MORN5: variants seen among roughly 807,000 people sequenced by gnomAD.
The protein encoded by MORN5 is MORN repeat-containing protein 5.
MORN5 carries 21 observed loss-of-function variants against 22.1 expected under a neutral mutation model. The observed-to-expected ratio is 0.95, with a 90% confidence interval of 0.67 to 1.37. The LOEUF (loss-of-function observed/expected upper bound fraction) is 1.37, where lower values mean the gene tolerates loss of function less well. Among genes scored for constraint, MORN5 ranks in the 40% most tolerant of loss-of-function variants. MORN5 has a pLI of 0.00. For missense variants in MORN5, 211 were observed against 215.1 expected, an observed-to-expected ratio of 0.98 and a Z score of 0.12; for synonymous variants, 73 against 74.0, an observed-to-expected ratio of 0.99 and a Z score of 0.07.
intron 4 of MORN5, among the ~76,000 whole-genome samples, chr9:122,179,886 C>T (rs142955548): frequency 1.3e-4 from 20 of 152,302 alleles, no homozygotes; most frequent in Admixed American, 9.2e-4. Context: ...ATCCTGAAGG[C>T]GCAGGCTGCT....
intron 4 of MORN5, among the ~76,000 whole-genome samples, chr9:122,179,821 G>T (rs1479955572): frequency 6.6e-6 from 1 of 152,088 alleles, no homozygotes; most frequent in East Asian, 1.9e-4. Flanking sequence ...TTTTCCCCAG[G>T]GACCTCTTTC....
intron 4 of MORN5, among the ~76,000 whole-genome samples, chr9:122,176,631 G>A (rs781192002): frequency 1.8e-4 from 27 of 152,166 alleles, no homozygotes; most frequent in Non-Finnish European, 2.6e-4. Flanking sequence ...TGTAATCCCA[G>A]CACTTTGGGA....
chr9:122,188,637 G>C (rs546560226), intron 4 of MORN5, among the ~76,000 whole-genome samples: 2 of 152,342 alleles, frequency 1.3e-5, no homozygotes, highest in South Asian at 2.1e-4. Flanking sequence ...ATGGCACTTG[G>C]TTCCTCTGAA....
intron 4 of MORN5, 111 bp downstream of exon 4, chr9:122,174,738 TAGA>T: frequency 6.3e-7 from 1 of 1,598,848 alleles, no homozygotes; most frequent in Non-Finnish European, 8.5e-7. Flanking sequence ...CTTTTGCTGA[TAGA>T]AGATGAAAGT....
At chr9:122,170,696 T>C (rs188430332) in intron 3 of MORN5, among the ~76,000 whole-genome samples, 85 of 152,316 alleles carry the variant, frequency 5.6e-4, no homozygotes, top group African/African-American at 2.0e-3. Flanking sequence ...TCTTCCTCTC[T>C]GAGGTCCTCT....
chr9:122,172,054 A>C (rs1829373908), intron 3 of MORN5, among the ~76,000 whole-genome samples: 1 of 148,968 alleles, frequency 6.7e-6, no homozygotes, highest in Non-Finnish European at 1.5e-5. Context: ...TCCTGGGCTC[A>C]AGCGATCCTC....
intron 1 of MORN5, among the ~76,000 whole-genome samples, chr9:122,165,987 C>T (rs1026190557): frequency 1.3e-5 from 2 of 152,088 alleles, no homozygotes; most frequent in Non-Finnish European, 2.9e-5. Context: ...TTAATGGACT[C>T]ACAGTTCCAC....
At chr9:122,195,150 A>T (rs1349756704) in intron 4 of MORN5, among the ~76,000 whole-genome samples, 1 of 152,164 alleles carries the variant, frequency 6.6e-6, no homozygotes, top group African/African-American at 2.4e-5. Flanking sequence ...CCTCTTAGAG[A>T]ACATGAGGAT....
At chr9:122,180,389 G>T (rs993285233) in intron 4 of MORN5, among the ~76,000 whole-genome samples, 7 of 146,208 alleles carry the variant, frequency 4.8e-5, no homozygotes, top group African/African-American at 1.8e-4. Flanking sequence ...AGGTTCAAGT[G>T]ATTCTCCTGT....
At chr9:122,189,950 AGTGAGAT>A (rs1421128261) in intron 4 of MORN5, among the ~76,000 whole-genome samples, 1 of 152,106 alleles carries the variant, frequency 6.6e-6, no homozygotes, top group African/African-American at 2.4e-5. Context: ...TGTGGCACTT[AGTGAGAT>A]GTCCATCTCC....
chr9:122,176,276 C>A (rs1207431985), intron 4 of MORN5, among the ~76,000 whole-genome samples: 1 of 152,150 alleles, frequency 6.6e-6, no homozygotes, highest in African/African-American at 2.4e-5. Context: ...AATGACTTCC[C>A]TTTTCCATTT....
chr9:122,169,356 A>T (rs918616847), intron 2 of MORN5, among the ~76,000 whole-genome samples: 1 of 152,204 alleles, frequency 6.6e-6, no homozygotes, highest in African/African-American at 2.4e-5. Context: ...ACCCTATTTT[A>T]TGTACACTAT....
intron 2 of MORN5, among the ~76,000 whole-genome samples, chr9:122,167,887 G>A (rs1829310142): frequency 6.6e-6 from 1 of 152,052 alleles, no homozygotes; most frequent in Admixed American, 6.6e-5. Context: ...GCATTCCTTG[G>A]CTCATGGCCA....
At chr9:122,175,673 A>G (rs575604151) in intron 4 of MORN5, 7 of 985,424 alleles carry the variant, frequency 7.1e-6, no homozygotes, top group Middle Eastern at 5.2e-4. Flanking sequence ...CTAAAGACCT[A>G]GGTCAAGAAA....
At chr9:122,172,688 C>T (rs1205323526) in intron 3 of MORN5, among the ~76,000 whole-genome samples, 1 of 152,150 alleles carries the variant, frequency 6.6e-6, no homozygotes, top group Non-Finnish European at 1.5e-5. Context: ...AGCTCGTCTT[C>T]CCAAGCTGTG....
chr9:122,166,632 T>G, intron 1 of MORN5, 136 bp from the exon 2 acceptor site: 1 of 765,388 alleles, frequency 1.3e-6, no homozygotes, highest in South Asian at 2.4e-5. Context: ...AAACAAAAAT[T>G]TTGTTTTCAG....
chr9:122,197,231 T>G lies in MORN5; in HGVS notation c.440-2654T>G, dbSNP rs1829911672. 6.6e-6 allele frequency among the ~76,000 whole-genome samples: 1 copy of G among 151,290 alleles called. No individual in the cohort carries two copies. Among genetic ancestry groups the G allele is most frequent in the Admixed American group, 6.6e-5 (1 of 15,212 alleles). ...TGTGCCAAGGGTAATAATTTACAAT[T>G]GATTAAAGAGTTTGTGGGGTGTTTT... On this transcript the variant is annotated intron_variant, in intron 4 of 4. Coordinates refer to ENST00000373764, the MANE Select transcript of MORN5 (RefSeq NM_198469.4). This position sits in a 1 kb window ranked among gnomAD's most constrained non-coding sequence, Gnocchi z 5.7.
chr9:122,179,049 A>T (rs1353533085), intron 4 of MORN5, among the ~76,000 whole-genome samples: 1 of 152,180 alleles, frequency 6.6e-6, no homozygotes, highest in Non-Finnish European at 1.5e-5. Flanking sequence ...TTTCCTGGAA[A>T]AAGAAAGATC....
Position 122,159,971 on chromosome 9 carries a change from C to T in MORN5, c.-2C>T, listed in dbSNP as rs72767777. 15,146 of 1,613,744 alleles carry T rather than the reference C, an allele frequency of 9.4e-3. 111 individuals are homozygous for T. Among genetic ancestry groups the T allele is most frequent in the Non-Finnish European group, 0.012 (13,893 of 1,179,688 alleles). ...AACAGCTGGAAGCTAAAAACAGGCG[C>T]CATGGAGTACACAGGGAGCAAATAT... On this transcript the variant is annotated 5_prime_UTR_variant, in exon 1 of 5. Transcript: ENST00000373764.
Sources: allele counts gnomAD v4.1 joint callset (sites outside exome capture counted in the v4.1 genomes callset), GRCh38; gene constraint gnomAD v4.1.1; non-coding constraint Gnocchi (gnomAD v3.1); transcripts MANE v1.5; gene names NCBI Gene and HGNC (gene_info 2026-07-23, HGNC 2026-07-21).